The following EPHA7 variants were observed in gnomAD, a reference collection of about 807,000 sequenced individuals.
The protein encoded by EPHA7 is ephrin type-A receptor 7.
A neutral mutation model predicts 112.6 loss-of-function variants in EPHA7; 25 were observed. That is an observed-to-expected ratio of 0.22 (90% confidence interval 0.16 to 0.31). EPHA7 has a LOEUF of 0.31. Among genes scored for constraint, EPHA7 ranks in the 10% least tolerant of loss-of-function variants. The pLI, the probability that EPHA7 is intolerant of heterozygous loss-of-function variation, is 1.00. For synonymous variants in EPHA7, 437 were observed against 406.5 expected, an observed-to-expected ratio of 1.07 and a Z score of -0.90; for missense variants, 962 against 1,212.6, an observed-to-expected ratio of 0.79 and a Z score of 3.07.
intron 3 of EPHA7, among the ~76,000 whole-genome samples, chr6:93,367,761 T>C (rs140112289): frequency 6.6e-6 from 1 of 152,258 alleles, no homozygotes; most frequent in East Asian, 1.9e-4. Flanking sequence ...TATAAGATTG[T>C]TATGAATTAC....
chr6:93,254,359 A>C (rs186571065), intron 14 of EPHA7, among the ~76,000 whole-genome samples: 1 of 152,264 alleles, frequency 6.6e-6, no homozygotes, highest in East Asian at 1.9e-4. Context: ...CAGCTGTGCA[A>C]GTGTGGAAAC....
At chr6:93,258,732 C>T (rs1770557947) in intron 10 of EPHA7, among the ~76,000 whole-genome samples, 2 of 149,366 alleles carry the variant, frequency 1.3e-5, no homozygotes, top group African/African-American at 2.4e-5. Flanking sequence ...CATGAGGACA[C>T]ATCAGCAAAT....
intron 5 of EPHA7, among the ~76,000 whole-genome samples, chr6:93,321,734 A>G (rs1339874458): frequency 6.6e-6 from 1 of 151,904 alleles, no homozygotes; most frequent in African/African-American, 2.4e-5. Context: ...CCTGTGGTCC[A>G]CACAACTCCA....
intron 3 of EPHA7, among the ~76,000 whole-genome samples, chr6:93,386,862 C>A (rs1433474453): frequency 1.3e-5 from 2 of 152,074 alleles, no homozygotes; most frequent in Non-Finnish European, 2.9e-5. Context: ...CCCCTTTTAG[C>A]CACAGATGGA....
chr6:93,354,249 T>C (rs1218475301), intron 5 of EPHA7, among the ~76,000 whole-genome samples: 1 of 151,906 alleles, frequency 6.6e-6, no homozygotes. Flanking sequence ...AGAGCAAAAA[T>C]ATGGTAATGG....
intron 3 of EPHA7, among the ~76,000 whole-genome samples, chr6:93,392,438 T>A (rs1395778542): frequency 2.0e-5 from 3 of 151,906 alleles, no homozygotes; most frequent in Non-Finnish European, 4.4e-5. Flanking sequence ...TCCCTCCAGA[T>A]CGACACAAAA....
Position 93,272,407 on chromosome 6 carries a change from C to T in EPHA7, c.1340G>A (p.Ser447Asn). 3.7e-6 allele frequency: 6 copies of T among 1,611,746 alleles called. No homozygotes were observed. The highest frequency in any genetic ancestry group is 5.1e-6 in the Non-Finnish European group (6 of 1,178,388). ...TTGQAAPSQV[S>N]GVMKERVLQR... ...CAGTACTCTCTCCTTCATTACTCCA[C>T]TCACTTGCGAGGGAGCTGTTTGGAC... Residue 447 changes from serine (S) to asparagine (N), a missense_variant, in exon 6 of 17, where the codon AGT becomes AAT. This residue lies in a region of EPHA7 where 746 missense variants were observed against 889.2 expected (regional missense o/e 0.84). Transcript: ENST00000369303.
intron 5 of EPHA7, among the ~76,000 whole-genome samples, chr6:93,329,462 G>A (rs913043802): frequency 1.5e-4 from 22 of 151,246 alleles, no homozygotes; most frequent in African/African-American, 4.6e-4. Flanking sequence ...CAGCATATGG[G>A]CCAAGAACTG....
intron 16 of EPHA7, 106 bp from the exon 17 acceptor site, chr6:93,243,646 T>A: frequency 1.3e-6 from 1 of 751,542 alleles, no homozygotes; most frequent in East Asian, 2.6e-5. Context: ...GCCAAATAGA[T>A]CTTATCTTAG....
At chr6:93,330,493 A>G (rs1206434653) in intron 5 of EPHA7, among the ~76,000 whole-genome samples, 1 of 151,274 alleles carries the variant, frequency 6.6e-6, no homozygotes, top group African/African-American at 2.4e-5. Context: ...TGCTTCTATT[A>G]AAGATTTTAG....
intron 3 of EPHA7, among the ~76,000 whole-genome samples, chr6:93,405,781 A>ATGTGTGTG (rs1483601685): frequency 1.2e-5 from 1 of 83,602 alleles, no homozygotes; most frequent in Admixed American, 1.4e-4. Flanking sequence ...ATTTCTGTAT[A>ATGTGTGTG]TATGTGTGTG....
chr6:93,340,901 C>A (rs1017480048), intron 5 of EPHA7, among the ~76,000 whole-genome samples: 1 of 151,760 alleles, frequency 6.6e-6, no homozygotes, highest in Non-Finnish European at 1.5e-5. Flanking sequence ...CTTATAAATG[C>A]CATCACAATC....
intron 6 of EPHA7, among the ~76,000 whole-genome samples, chr6:93,271,643 G>T (rs3799811): frequency 6.6e-6 from 1 of 151,686 alleles, no homozygotes; most frequent in Non-Finnish European, 1.5e-5. Flanking sequence ...CAGATGTATC[G>T]CTAGTTACTA....
intron 5 of EPHA7, among the ~76,000 whole-genome samples, chr6:93,305,160 T>C (rs1773188681): frequency 6.6e-6 from 1 of 151,946 alleles, no homozygotes; most frequent in South Asian, 2.1e-4. Flanking sequence ...GTACAAAATA[T>C]ATGTATGTAG....
chr6:93,303,568 C>T (rs78266264), intron 5 of EPHA7, among the ~76,000 whole-genome samples: 10,724 of 152,156 alleles, frequency 0.07, 446 homozygotes, highest in South Asian at 0.16. Flanking sequence ...TTAAGGAGTA[C>T]ATCTTACCAT....
chr6:93,277,149 C>A (rs1053519433), intron 5 of EPHA7, among the ~76,000 whole-genome samples: 2 of 152,130 alleles, frequency 1.3e-5, no homozygotes, highest in African/African-American at 2.4e-5. Flanking sequence ...GCAAGAAATT[C>A]ATTTTTAGCA....
At chr6:93,352,284 A>G (rs941977582) in intron 5 of EPHA7, among the ~76,000 whole-genome samples, 10 of 152,062 alleles carry the variant, frequency 6.6e-5, no homozygotes, top group African/African-American at 2.2e-4. Flanking sequence ...GCATTTTTTG[A>G]GTGATCTGTT....
intron 5 of EPHA7, among the ~76,000 whole-genome samples, chr6:93,303,299 G>GACAGCACTGT (rs1314117103): frequency 1.3e-5 from 2 of 152,088 alleles, no homozygotes; most frequent in East Asian, 3.9e-4. Flanking sequence ...TACATTAAAA[G>GACAGCACTGT]ACAGCACTGT....
chr6:93,352,681 T>C (rs1582576299), intron 5 of EPHA7, among the ~76,000 whole-genome samples: 2 of 152,094 alleles, frequency 1.3e-5, no homozygotes, highest in Middle Eastern at 3.4e-3. Context: ...CTTAGTGTAG[T>C]TGGACAAACT....
Sources: allele counts gnomAD v4.1 joint callset (sites outside exome capture counted in the v4.1 genomes callset), GRCh38; gene constraint gnomAD v4.1.1; regional missense constraint gnomAD v4.1.1; transcripts MANE v1.5; gene names NCBI Gene and HGNC (gene_info 2026-07-23, HGNC 2026-07-21).